ZNF688: variants seen among roughly 807,000 people sequenced by gnomAD.
ZNF688 encodes zinc finger protein 688.
In ZNF688, 10 loss-of-function variants were observed where a neutral mutation model predicts 13.2. That is an observed-to-expected ratio of 0.76 (90% CI 0.47 to 1.28). The LOEUF is 1.28. Among genes scored for constraint, ZNF688 ranks in the 50% most tolerant of loss-of-function variants. The pLI is 0.00. For missense variants in ZNF688, 381 were observed against 391.4 expected, an observed-to-expected ratio of 0.97 and a Z score of 0.22; for synonymous variants, 160 against 159.4, an observed-to-expected ratio of 1.00 and a Z score of -0.03.
In ZNF688 at chr16:30,569,769, C is replaced by T. The variant is rs1040805322; in HGVS notation, c.*147G>A. On this transcript the variant is annotated 3_prime_UTR_variant, in exon 3 of 3. Transcript: ENST00000223459. ...TATTCGAATCTTTACAGGCACTTTTCTTTTTACAAGTTGGAAACTTGAGGG... is the reference window on the plus strand; with the variant it reads ...TATTCGAATCTTTACAGGCACTTTTTTTTTTACAAGTTGGAAACTTGAGGG... 3 of 720,944 alleles carry T rather than the reference C, an allele frequency of 4.2e-6. No homozygotes were observed. In the African/African-American group the frequency reaches 7.2e-5, roughly 17 times the overall value. The allele number at this position is 720,944 out of a possible 1,614,324, so 44.7% of individuals were successfully genotyped here.
Position 30,570,221 on chromosome 16 carries a change from C to T in ZNF688, c.526G>A (p.Ala176Thr), listed in dbSNP as rs1220069889. The change falls in exon 3 of 3, where the codon GCT (alanine) becomes ACT (threonine). Residue 176 changes from alanine to threonine, a missense_variant. Physicochemically the swap from Ala to Thr is moderately conservative, Grantham distance 58. Coordinates refer to ENST00000223459, the MANE Select transcript of ZNF688 (RefSeq NM_145271.4). ...QPPAPIPSMD[A>T]QAGQRRHVCT... ...ACGTGGCGCCGCTGGCCGGCCTGAG[C>T]ATCCATGCTGGGTATGGGTGCCGGG... The T allele has an allele frequency of 6.2e-7, 1 of 1,613,198 alleles. No homozygotes were observed. Among genetic ancestry groups the T allele is most frequent in the Non-Finnish European group, 8.5e-7 (1 of 1,179,740 alleles).
upstream of ZNF688, among the ~76,000 whole-genome samples, chr16:30,575,281 T>C (rs2051735665): frequency 6.6e-6 from 1 of 151,958 alleles, no homozygotes; most frequent in Non-Finnish European, 1.5e-5. Flanking sequence ...AGTTTTGCTT[T>C]TGTTGTCTAG....
In ZNF688 at chr16:30,569,972, G is replaced by A. The variant is rs1332281389; in HGVS notation, c.775C>T (p.Arg259Trp). 6.3e-7 allele frequency: 1 copy of A among 1,596,248 alleles called. No individual in the cohort carries two copies. The highest frequency in any genetic ancestry group is 8.5e-7 in the Non-Finnish European group (1 of 1,171,918). The part of the protein sequence containing the change: ...AVPRAPVRGD[R>W]DPPVLFRHYP... The stretch of plus-strand genomic sequence containing the variant: ...TGCCGGAAGAGCACAGGCGGGTCCC[G>A]GTCACCTCGGACGGGGGCCCGAGGC... The change falls in exon 3 of 3, where the codon CGG becomes TGG. Residue 259 changes from arginine to tryptophan, a missense_variant. Coordinates refer to ENST00000223459, the MANE Select transcript of ZNF688 (RefSeq NM_145271.4).
chr16:30,574,964 T>C (rs1597142837), upstream of ZNF688, among the ~76,000 whole-genome samples: 1 of 152,234 alleles, frequency 6.6e-6, no homozygotes, highest in African/African-American at 2.4e-5. Flanking sequence ...ACATGTGATA[T>C]TTGCCTTTCT....
At chr16:30,576,559 G>A (rs2051749923), upstream of ZNF688, among the ~76,000 whole-genome samples, 1 of 151,826 alleles carries the variant, frequency 6.6e-6, no homozygotes, top group Admixed American at 6.6e-5. Flanking sequence ...CACCATGTTG[G>A]GAAGGCTGAT....
upstream of ZNF688, among the ~76,000 whole-genome samples, chr16:30,573,270 A>T (rs905473688): frequency 1.3e-5 from 2 of 151,772 alleles, no homozygotes; most frequent in African/African-American, 4.8e-5. Flanking sequence ...TTCAAATCCT[A>T]ATTTTTTTTT....
At chr16:30,578,322 G>A in the ZNF688 span, 2 of 152,218 alleles carry the variant, frequency 1.3e-5, no homozygotes, top group Non-Finnish European at 2.9e-5. Flanking sequence ...GCTATAGTGA[G>A]ACCCTGTCTC....
chr16:30,576,150 C>A (rs553498183), upstream of ZNF688, among the ~76,000 whole-genome samples: 2 of 152,148 alleles, frequency 1.3e-5, no homozygotes, highest in Admixed American at 6.5e-5. Context: ...TGGGTTCAAC[C>A]GATTCTCCTG....
At chr16:30,577,688 T>C (rs1434320047), upstream of ZNF688, among the ~76,000 whole-genome samples, 1 of 149,964 alleles carries the variant, frequency 6.7e-6, no homozygotes, top group South Asian at 2.1e-4. Flanking sequence ...GCCTGTGGTT[T>C]TTTTTTTTTT....
upstream of ZNF688, among the ~76,000 whole-genome samples, chr16:30,573,331 T>G (rs919089576): frequency 6.6e-6 from 1 of 152,214 alleles, no homozygotes; most frequent in South Asian, 2.1e-4. Context: ...TAAACTGGGT[T>G]GGGCCTCAGT....
chr16:30,571,646 G>T lies in ZNF688; in HGVS notation c.-17C>A. On this transcript the variant is annotated 5_prime_UTR_variant, in exon 1 of 3. Transcript: ENST00000223459. ...CGGCGCCATGGGGCCTCGCAGCCCCGATCGGCGGCCGCCAGGTCCCTGGAG... is the reference window on the plus strand; with the variant it reads ...CGGCGCCATGGGGCCTCGCAGCCCCTATCGGCGGCCGCCAGGTCCCTGGAG... 1 of 1,386,832 alleles carries T rather than the reference G, an allele frequency of 7.2e-7. No individual in the cohort carries two copies. Among genetic ancestry groups the T allele is most frequent in the Non-Finnish European group, 9.3e-7 (1 of 1,074,108 alleles). The allele number at this position is 1,386,832 out of a possible 1,614,324, so 85.9% of individuals were successfully genotyped here. A position where few individuals can be genotyped will look rare whatever the true frequency, so the allele number is the denominator to read the frequency against.
chr16:30,573,297 TC>T (rs1216233078), upstream of ZNF688, among the ~76,000 whole-genome samples: 5 of 152,132 alleles, frequency 3.3e-5, no homozygotes, highest in Non-Finnish European at 7.4e-5. Context: ...GAAACCTTCC[TC>T]CTTTAGCCTT....
upstream of ZNF688, chr16:30,571,878 C>T (rs990532679): frequency 7.8e-7 from 1 of 1,279,408 alleles, no homozygotes; most frequent in Non-Finnish European, 9.8e-7. Flanking sequence ...GTTAAGGGAC[C>T]CGGAAGGTGC....
chr16:30,573,532 C>T (rs1378278061), upstream of ZNF688, among the ~76,000 whole-genome samples: 1 of 152,196 alleles, frequency 6.6e-6, no homozygotes, highest in African/African-American at 2.4e-5. Flanking sequence ...ATACTGTTTG[C>T]TAAGCGTGGG....
At chr16:30,570,624 CAAAT>C (rs1028370890) in intron 2 of ZNF688, 188 bp from the exon 3 acceptor site, 1 of 645,872 alleles carries the variant, frequency 1.5e-6, no homozygotes, top group African/African-American at 1.8e-5. Flanking sequence ...CCTTATGCAT[CAAAT>C]GGGAATAATA....
In ZNF688 at chr16:30,569,985, G is replaced by T. The variant is rs981900738; in HGVS notation, c.762C>A (p.Pro254=). ...RPGIRAVPRA[P]VRGDRDPPVL... ...CAGGCGGGTCCCGGTCACCTCGGAC[G>T]GGGGCCCGAGGCACAGCCCGGATCC... Residue 254 remains proline, a synonymous_variant, in exon 3 of 3, where the codon CCC becomes CCA. Transcript: ENST00000223459. 1.1e-5 allele frequency: 18 copies of T among 1,604,492 alleles called. No homozygotes were observed. The highest frequency in any genetic ancestry group is 1.5e-5 in the Non-Finnish European group (18 of 1,175,848).
chr16:30,573,963 T>C (rs2051722437), upstream of ZNF688: 1 of 304,150 alleles, frequency 3.3e-6, no homozygotes, highest in African/African-American at 2.3e-5. Flanking sequence ...ATATTTAATT[T>C]AGGCCCAGCC....
chr16:30,576,677 C>G (rs2051750834), upstream of ZNF688, among the ~76,000 whole-genome samples: 2 of 152,024 alleles, frequency 1.3e-5, no homozygotes, highest in Non-Finnish European at 2.9e-5. Flanking sequence ...TTTGCATTTC[C>G]CTGATGATTA....
chr16:30,570,881 T>C (rs2051665742), intron 2 of ZNF688, 129 bp downstream of exon 2: 3 of 1,043,428 alleles, frequency 2.9e-6, no homozygotes, highest in Middle Eastern at 2.0e-4. Context: ...AGGTCTGCCT[T>C]CTTTACTCCT....
Sources: allele counts gnomAD v4.1 joint callset (sites outside exome capture counted in the v4.1 genomes callset), GRCh38; gene constraint gnomAD v4.1.1; transcripts MANE v1.5; gene names NCBI Gene and HGNC (gene_info 2026-07-23, HGNC 2026-07-21).